The following LMF1 variants were observed in gnomAD, a reference collection of about 807,000 sequenced individuals.
LMF1 encodes the protein lipase maturation factor 1, also known as transmembrane protein 112.
In LMF1, 68 loss-of-function variants were observed where a neutral mutation model predicts 60.6. That is an observed-to-expected ratio of 1.12 (90% CI 0.92 to 1.37). The LOEUF (loss-of-function observed/expected upper bound fraction) is 1.37, where lower values mean the gene tolerates loss of function less well. Ranked by LOEUF, LMF1 falls within the 40% of genes most tolerant of loss-of-function variation. LMF1 has a pLI of 0.00. For missense variants in LMF1, 948 were observed against 767.2 expected, an observed-to-expected ratio of 1.24 and a Z score of -2.78; for synonymous variants, 418 against 324.7, an observed-to-expected ratio of 1.29 and a Z score of -3.09.
chr16:978,854 C>T (rs531904464), intron 1 of LMF1, among the ~76,000 whole-genome samples: 35 of 152,274 alleles, frequency 2.3e-4, no homozygotes, highest in Non-Finnish European at 4.4e-4. Context: ...TCTCCACCCC[C>T]GGGTCCATCT....
At chr16:918,804 G>A (rs1183682525) in intron 3 of LMF1, among the ~76,000 whole-genome samples, 6 of 151,908 alleles carry the variant, frequency 3.9e-5, no homozygotes, top group Admixed American at 1.3e-4. Context: ...CCGACGTCCC[G>A]GGGCGCACCC....
At chr16:975,860 C>G (rs2073127511), upstream of LMF1, 1 of 452,190 alleles carries the variant, frequency 2.2e-6, no homozygotes, top group Non-Finnish European at 4.4e-6. Context: ...CGGCCAGGGC[C>G]CATTTCGAGA....
At chr16:863,458 A>G (rs761208455) in intron 10 of LMF1, among the ~76,000 whole-genome samples, 1 of 152,050 alleles carries the variant, frequency 6.6e-6, no homozygotes, top group Non-Finnish European at 1.5e-5. Context: ...TTCATCTTTG[A>G]TATTGGCAAT....
chr16:978,909 G>A, intron 1 of LMF1: 1 of 446,052 alleles, frequency 2.2e-6, no homozygotes. Context: ...GGAACACGCT[G>A]GCCTCTCCCT....
intron 1 of LMF1, among the ~76,000 whole-genome samples, chr16:960,356 G>A (rs11861270): frequency 0.015 from 1,416 of 91,374 alleles, 67 homozygotes; most frequent in African/African-American, 0.046. Context: ...ACGGGATCAC[G>A]ACCCAGACAC....
intron 3 of LMF1, among the ~76,000 whole-genome samples, chr16:929,973 G>GGGGCGCAGGACCCTGGGACACA (rs2071726054): frequency 2.0e-5 from 3 of 151,616 alleles, no homozygotes; most frequent in African/African-American, 7.3e-5. Context: ...TGTCTGAACG[G>GGGGCGCAGGACCCTGGGACACA]GGGCGCAGGA....
At chr16:866,845 C>T (rs2069622487) in intron 10 of LMF1, among the ~76,000 whole-genome samples, 1 of 152,168 alleles carries the variant, frequency 6.6e-6, no homozygotes, top group Non-Finnish European at 1.5e-5. Flanking sequence ...TTTCCTCACC[C>T]CCAAGTCTAG....
At chr16:952,878 C>A (rs368310970) in intron 2 of LMF1, among the ~76,000 whole-genome samples, 1 of 136,870 alleles carries the variant, frequency 7.3e-6, no homozygotes, top group African/African-American at 2.8e-5. Context: ...GCCTCCTACA[C>A]ATCCACACAG....
chr16:892,485 AGTT>A (rs2070519011), intron 5 of LMF1, among the ~76,000 whole-genome samples: 1 of 152,240 alleles, frequency 6.6e-6, no homozygotes, highest in Non-Finnish European at 1.5e-5. Flanking sequence ...ACACGTGAGC[AGTT>A]GGCAGGAACT....
intron 2 of LMF1, among the ~76,000 whole-genome samples, chr16:951,274 CGACAGAGTCAGCCAAG>C (rs2072460074): frequency 3.6e-5 from 5 of 140,824 alleles, no homozygotes; most frequent in African/African-American, 1.4e-4. Flanking sequence ...TCAGAGCCAA[CGACAGAGTCAGCCAAG>C]GACAGAGTCA....
intron 3 of LMF1, 87 bp downstream of exon 3, chr16:934,157 G>C (rs752866613): frequency 1.6e-5 from 25 of 1,595,930 alleles, no homozygotes; most frequent in Non-Finnish European, 2.1e-5. Flanking sequence ...TAAGGAAGGG[G>C]AGAGGCCAGG....
chr16:932,357 G>A (rs553023934), intron 3 of LMF1, among the ~76,000 whole-genome samples: 47 of 152,282 alleles, frequency 3.1e-4, no homozygotes, highest in African/African-American at 7.5e-4. Flanking sequence ...AGCCTCAGCC[G>A]CTGCCCCCCG....
intron 1 of LMF1, chr16:979,107 G>A (rs1200398778): frequency 2.2e-6 from 1 of 453,866 alleles, no homozygotes; most frequent in Non-Finnish European, 4.4e-6. Flanking sequence ...GTGTGGGAAA[G>A]TGCCTGGCAC....
chr16:861,019 T>TTTTTAATTAACACATCTTGCTGGG (rs1367114176), intron 10 of LMF1, among the ~76,000 whole-genome samples: 27 of 122,560 alleles, frequency 2.2e-4, no homozygotes, highest in African/African-American at 1.7e-3. Context: ...TTGCTGGGTT[T>TTTTTAATTAACACATCTTGCTGGG]TTTTTTTAAT....
chr16:952,393 C>A (rs1169250225), intron 2 of LMF1, among the ~76,000 whole-genome samples: 7 of 152,182 alleles, frequency 4.6e-5, no homozygotes, highest in African/African-American at 1.7e-4. Flanking sequence ...AAGCCCAGAT[C>A]AGAGCAATCT....
At chr16:935,120 TGA>T (rs893114547) in intron 2 of LMF1, among the ~76,000 whole-genome samples, 6 of 151,884 alleles carry the variant, frequency 4.0e-5, no homozygotes, top group African/African-American at 1.5e-4. Context: ...TTTTTTTTTT[TGA>T]GACACGGTCT....
At chr16:977,902 AACAC>A (rs368692574) in intron 1 of LMF1, among the ~76,000 whole-genome samples, 1 of 135,948 alleles carries the variant, frequency 7.4e-6, no homozygotes, top group African/African-American at 2.9e-5. Context: ...CCACACACTA[AACAC>A]ACACACCACA....
chr16:934,538 T>C (rs771857590), intron 2 of LMF1: 7 of 446,750 alleles, frequency 1.6e-5, no homozygotes, highest in Non-Finnish European at 2.9e-5. Flanking sequence ...AGTGAATTAA[T>C]ACTTATTTTT....
At chr16:934,427 C>T (rs768245409) in intron 2 of LMF1, 173 bp from the exon 3 acceptor site, 33 of 714,748 alleles carry the variant, frequency 4.6e-5, no homozygotes, top group Admixed American at 7.0e-5. Flanking sequence ...CCCCTCCCCA[C>T]GGCTCACACA....
Sources: gnomAD v4.1 joint callset for allele counts (sites outside exome capture counted in the v4.1 genomes callset) on GRCh38, gnomAD v4.1.1 for gene constraint, MANE v1.5 for transcripts, NCBI Gene and HGNC (gene_info 2026-07-23, HGNC 2026-07-21) for gene names.